USP33: variants seen among roughly 807,000 people sequenced by gnomAD.
USP33 encodes ubiquitin carboxyl-terminal hydrolase 33.
Under a neutral mutation model 124.2 loss-of-function variants are expected in USP33, and 46 were observed. That is an observed-to-expected ratio of 0.37 (90% CI 0.29 to 0.47). The LOEUF is 0.47. USP33 is among the 20% of genes least tolerant of loss of function. USP33 has a pLI of 0.99. For synonymous variants in USP33, 350 were observed against 352.3 expected (o/e 0.99, Z 0.07); for missense variants, 851 against 1,070.6 (o/e 0.79, Z 2.86).
At position 77,701,610 on chromosome 1, in the gene USP33, C is replaced by T. The variant is rs12048502; in HGVS notation, c.2407-139G>A. On this transcript the variant is annotated intron_variant, in intron 21 of 23. Transcript: ENST00000370794. ...GGAGGAGTCCTTGAACCCAGGAGTTCCAAACCAGTCTGGGCAACATCGTGA... is the reference window on the plus strand; with the variant it reads ...GGAGGAGTCCTTGAACCCAGGAGTTTCAAACCAGTCTGGGCAACATCGTGA... 4.8e-5 allele frequency: 31 copies of T among 639,286 alleles called. No homozygotes were observed. The African/African-American group carries it at 5.7e-4, about 12-fold the overall frequency. The allele number at this position is 639,286 out of a possible 1,614,324, so 39.6% of individuals were successfully genotyped here. A position where few individuals can be genotyped will look rare whatever the true frequency, so the allele number is the denominator to read the frequency against.
chr1:77,723,882 T>A (rs1676862733), intron 11 of USP33, among the ~76,000 whole-genome samples: 1 of 152,048 alleles, frequency 6.6e-6, no homozygotes, highest in African/African-American at 2.4e-5. Flanking sequence ...GCCAGGATAG[T>A]CTCGATCTCC....
In USP33 at chr1:77,722,135, A is replaced by C; in HGVS notation, c.1451T>G (p.Leu484Arg). ...LSLPIPGKED[L>R]AKLHSSSHPT... ...ATGACTTGATGAATGCAGCTTAGCA[A>C]GGTCTTCCTTGCCAGGAATTGGCAA... Residue 484 changes from leucine (L) to arginine (R), a missense_variant, in exon 13 of 24, where the codon CTT becomes CGT. By Grantham distance (102) the Leu-to-Arg change is moderately radical (BLOSUM62 -2). This residue lies in a region of USP33 where 281 missense variants were observed against 425.0 expected (regional missense o/e 0.66). Coordinates refer to ENST00000370794, the MANE Select transcript of USP33 (RefSeq NM_201624.3). 6.2e-7 allele frequency: 1 copy of C among 1,614,062 alleles called. No homozygotes were observed.
chr1:77,739,125 TGA>T, intron 5 of USP33, 138 bp downstream of exon 5: 1 of 986,560 alleles, frequency 1.0e-6, no homozygotes, highest in Non-Finnish European at 1.5e-6. Flanking sequence ...GTGCTTTATT[TGA>T]GAGAAAAAAG....
In USP33 at chr1:77,711,930, C is replaced by T. The variant is rs981749295; in HGVS notation, c.2298-75G>A. On this transcript the variant is annotated intron_variant, in intron 20 of 23. Transcript: ENST00000370794. ...ACATTTAAGTCAGTGGCCAAATACCCAGTAAAAATAAATCCTCTTAATAAA... is the reference window on the plus strand; with the variant it reads ...ACATTTAAGTCAGTGGCCAAATACCTAGTAAAAATAAATCCTCTTAATAAA... The T allele has an allele frequency of 1.4e-4, 184 of 1,354,618 alleles. No individual in the cohort carries two copies. The highest frequency in any genetic ancestry group is 3.0e-4 in the Admixed American group (11 of 37,094). The allele number at this position is 1,354,618 out of a possible 1,614,324, so 83.9% of individuals were successfully genotyped here.
Position 77,713,462 on chromosome 1 carries a change from C to G in USP33, c.2216-181G>C, listed in dbSNP as rs1675501631. 4 of 515,656 alleles carry G rather than the reference C, an allele frequency of 7.8e-6. No individual in the cohort carries two copies. In the East Asian group the frequency reaches 1.6e-4, roughly 21 times the overall value. 31.9% of individuals were successfully genotyped at this position (515,656 alleles called of 1,614,324 possible). ...GCAGTGGCATGATCATGGCTCACAG[C>G]AGCCTCAAAATTCCTGGGCTCAAGG... On this transcript the variant is annotated intron_variant, in intron 19 of 23. Coordinates refer to ENST00000370794, the MANE Select transcript of USP33 (RefSeq NM_201624.3).
chr1:77,750,535 T>G (rs1680198955), intron 1 of USP33, among the ~76,000 whole-genome samples: 1 of 151,214 alleles, frequency 6.6e-6, no homozygotes, highest in Non-Finnish European at 1.5e-5. Context: ...GGCAGGAGAA[T>G]CCCTTGAGCC....
At chr1:77,721,796 T>C (rs766351012) in intron 14 of USP33, 35 bp downstream of exon 14, 2 of 1,564,094 alleles carry the variant, frequency 1.3e-6, no homozygotes, top group East Asian at 2.3e-5. Flanking sequence ...TAGATTTACC[T>C]ACAAAAATTT....
chr1:77,740,636 T>C (rs1043037186), intron 4 of USP33, among the ~76,000 whole-genome samples: 2 of 152,228 alleles, frequency 1.3e-5, no homozygotes, highest in Non-Finnish European at 2.9e-5. Context: ...GATTCAGGCG[T>C]GAGCCACCAT....
chr1:77,708,277 A>G (rs1286443386), intron 21 of USP33, among the ~76,000 whole-genome samples: 2 of 152,218 alleles, frequency 1.3e-5, no homozygotes, highest in Non-Finnish European at 2.9e-5. Flanking sequence ...ACCATGATAT[A>G]TGAAATATAT....
Position 77,697,990 on chromosome 1 carries a change from T to C in USP33, c.2510-59A>G, listed in dbSNP as rs987329281. 8.1e-6 allele frequency: 12 copies of C among 1,477,814 alleles called. No homozygotes were observed. In the Admixed American group the frequency reaches 9.5e-5, roughly 12 times the overall value. The allele number at this position is 1,477,814 out of a possible 1,614,324, so 91.5% of individuals were successfully genotyped here. On this transcript the variant is annotated intron_variant, in intron 22 of 23. Coordinates refer to ENST00000370794, the MANE Select transcript of USP33 (RefSeq NM_201624.3). ...AGAAATGTAACAAAAAATTGCATAATTTTGTGCTTGACAAAATTGTGACCT... is the reference window on the plus strand; with the variant it reads ...AGAAATGTAACAAAAAATTGCATAACTTTGTGCTTGACAAAATTGTGACCT...
chr1:77,750,179 A>C (rs987407747), intron 1 of USP33, among the ~76,000 whole-genome samples: 1 of 152,048 alleles, frequency 6.6e-6, no homozygotes, highest in African/African-American at 2.4e-5. Context: ...TTAGCCGTGC[A>C]TAGTGGTGGG....
intron 11 of USP33, among the ~76,000 whole-genome samples, chr1:77,725,363 G>A (rs1677044453): frequency 6.6e-6 from 1 of 152,184 alleles, no homozygotes; most frequent in South Asian, 2.1e-4. Context: ...GTTTGTGGTG[G>A]TGGTAACAAG....
intron 19 of USP33, 170 bp from the exon 20 acceptor site, chr1:77,713,451 A>T (rs1349014956): frequency 1.8e-6 from 1 of 549,064 alleles, no homozygotes; most frequent in Non-Finnish European, 3.0e-6. Flanking sequence ...TGGCATGATC[A>T]TGGCTCACAG....
intron 11 of USP33, among the ~76,000 whole-genome samples, 194 bp downstream of exon 11, chr1:77,725,428 T>G (rs1677050816): frequency 6.6e-6 from 1 of 152,170 alleles, no homozygotes; most frequent in Non-Finnish European, 1.5e-5. Context: ...AAAAGTGAAT[T>G]CAACTGTATG....
In USP33 at chr1:77,728,644, T is replaced by C. The variant is rs759168124; in HGVS notation, c.786A>G (p.Glu262=). The part of the protein sequence containing the change: ...LHEELKEQVM[E]VEEDPQTITT... ...TTATGGTTTGCGGATCTTCTTCTACTTCCATGACTTGCTCTTTCAATTCTT... is the reference window on the plus strand; with the variant it reads ...TTATGGTTTGCGGATCTTCTTCTACCTCCATGACTTGCTCTTTCAATTCTT... The change falls in exon 10 of 24, where the codon GAA becomes GAG. Residue 262 remains glutamate (E), a synonymous_variant. Coordinates refer to ENST00000370794, the MANE Select transcript of USP33 (RefSeq NM_201624.3). The C allele has an allele frequency of 1.9e-6, 3 of 1,613,990 alleles. No individual in the cohort carries two copies. Among genetic ancestry groups the C allele is most frequent in the Middle Eastern group, 1.6e-4 (1 of 6,082 alleles).
intron 6 of USP33, among the ~76,000 whole-genome samples, chr1:77,735,072 G>A (rs778548655): frequency 9.2e-5 from 14 of 151,458 alleles, no homozygotes; most frequent in Non-Finnish European, 1.3e-4. Flanking sequence ...GCAGTGAGCC[G>A]AGATTGCACC....
At position 77,697,405 on chromosome 1, in the gene USP33, T is replaced by C. The variant is rs1025215301; in HGVS notation, c.2648A>G (p.Glu883Gly). 1.9e-6 allele frequency: 3 copies of C among 1,613,322 alleles called. No homozygotes were observed. The highest frequency in any genetic ancestry group is 2.5e-6 in the Non-Finnish European group (3 of 1,179,846). ...FLQSIYGGGP[E>G]VILRPPVVHV... The stretch of plus-strand genomic sequence containing the variant: ...AACAACCGGAGGTCGCAGGATAACT[T>C]CAGGCCCTCCACCATAAATAGACTG... The change falls in exon 24 of 24, where the codon GAA (glutamate) becomes GGA (glycine). Residue 883 changes from glutamate to glycine, a missense_variant. Physicochemically the swap from Glu to Gly is moderately conservative, Grantham distance 98. This residue lies in a region of USP33 where 142 missense variants were observed against 141.8 expected (regional missense o/e 1.00). Transcript: ENST00000370794.
chr1:77,723,821 C>T (rs1354284892), intron 11 of USP33, among the ~76,000 whole-genome samples: 4 of 151,934 alleles, frequency 2.6e-5, no homozygotes, highest in Admixed American at 2.6e-4. Flanking sequence ...CCCACCACCA[C>T]GCCCAGCTAT....
In USP33 at chr1:77,750,624, A is replaced by AAAAGAAACAAAGAAAG. The variant is rs1469933007; in HGVS notation, c.-51-8877_-51-8876insCTTTCTTTGTTTCTTT. On this transcript the variant is annotated intron_variant, in intron 1 of 23. Coordinates refer to ENST00000370794, the MANE Select transcript of USP33 (RefSeq NM_201624.3). ...GCAACACAGCAAGACCCTGACTTAA[A>AAAAGAAACAAAGAAAG]AAAGAAAGAAAGAAAGAAAGAAAGA... Among the ~76,000 whole-genome samples, 235 of 123,386 alleles carry AAAAGAAACAAAGAAAG rather than the reference A, an allele frequency of 1.9e-3. 2 individuals are homozygous for AAAAGAAACAAAGAAAG. The highest frequency in any genetic ancestry group is 5.8e-3 in the African/African-American group (184 of 31,582). 80.9% of individuals were successfully genotyped at this position (123,386 alleles called of 152,430 possible). A position where few individuals can be genotyped will look rare whatever the true frequency, so the allele number is the denominator to read the frequency against.
Sources: gnomAD v4.1 joint callset for allele counts (sites outside exome capture counted in the v4.1 genomes callset) on GRCh38, gnomAD v4.1.1 for gene constraint, gnomAD v4.1.1 regional missense constraint, MANE v1.5 for transcripts, NCBI Gene and HGNC (gene_info 2026-07-23, HGNC 2026-07-21) for gene names.